Variants in LRCH3 observed in about 807,000 individuals in gnomAD.
LRCH3 encodes leucine rich repeats and calponin homology domain containing 3.
A neutral mutation model predicts 104.5 loss-of-function variants in LRCH3; 68 were observed. That is an observed-to-expected ratio of 0.65 (90% CI 0.54 to 0.80). The LOEUF is 0.80. LRCH3 is among the 30% of genes least tolerant of loss of function. LRCH3 has a pLI of 0.00. For missense variants in LRCH3, 951 were observed against 953.9 expected, an observed-to-expected ratio of 1.00 and a Z score of 0.04; for synonymous variants, 344 against 361.3, an observed-to-expected ratio of 0.95 and a Z score of 0.54.
At chr3:197,855,629 C>A (rs114292274) in intron 14 of LRCH3, among the ~76,000 whole-genome samples, 2,094 of 151,744 alleles carry the variant, frequency 0.014, 24 homozygotes, top group Non-Finnish European at 0.022. Context: ...TTTAGGAAAC[C>A]GAAGGTTTAA....
intron 12 of LRCH3, among the ~76,000 whole-genome samples, chr3:197,851,351 A>G (rs1739567418): frequency 6.6e-6 from 1 of 152,238 alleles, no homozygotes; most frequent in Non-Finnish European, 1.5e-5. Flanking sequence ...AGGAAAAAAC[A>G]TGAGAAGAGA....
At chr3:197,841,237 C>T (rs1737757330) in intron 10 of LRCH3, among the ~76,000 whole-genome samples, 1 of 152,102 alleles carries the variant, frequency 6.6e-6, no homozygotes, top group African/African-American at 2.4e-5. Flanking sequence ...TACATCTTGG[C>T]AGAATTCAGT....
At chr3:197,821,713 T>A (rs1446104259) in intron 4 of LRCH3, among the ~76,000 whole-genome samples, 1 of 152,228 alleles carries the variant, frequency 6.6e-6, no homozygotes. Context: ...TCACTCCCAT[T>A]ACTCAGGCTA....
At chr3:197,844,768 C>T (rs546138238) in intron 10 of LRCH3, among the ~76,000 whole-genome samples, 2 of 152,202 alleles carry the variant, frequency 1.3e-5, no homozygotes, top group Non-Finnish European at 2.9e-5. Context: ...CAGGCGCGCA[C>T]CACCACACCT....
chr3:197,825,375 TA>T (rs771901250), intron 4 of LRCH3, among the ~76,000 whole-genome samples: 1 of 150,076 alleles, frequency 6.7e-6, no homozygotes, highest in African/African-American at 2.4e-5. Context: ...TTTTTTTTTT[TA>T]AATAATTTTC....
At chr3:197,872,162 G>A (rs1712270026) in intron 19 of LRCH3, among the ~76,000 whole-genome samples, 1 of 151,994 alleles carries the variant, frequency 6.6e-6, no homozygotes, top group Non-Finnish European at 1.5e-5. Context: ...TTTGAGACCA[G>A]CCAGGACAAT....
At chr3:197,812,015 T>C (rs1733180441) in intron 1 of LRCH3, among the ~76,000 whole-genome samples, 1 of 152,232 alleles carries the variant, frequency 6.6e-6, no homozygotes, top group Non-Finnish European at 1.5e-5. Context: ...TGTTTGATTT[T>C]TTAAATTGTT....
chr3:197,874,817 ACTT>A (rs1260275287), intron 19 of LRCH3, among the ~76,000 whole-genome samples: 4 of 152,260 alleles, frequency 2.6e-5, no homozygotes, highest in Non-Finnish European at 4.4e-5. Flanking sequence ...ACAGGCCAGC[ACTT>A]CTTCTTGTAA....
rs1375529750 is a variant in LRCH3 at position 197,887,742 on chromosome 3, GCCCCC to G, written c.*4078_*4082del. ...TCACTGACAGTGTCTGGGGCTGAGA[GCCCCC>G]CAGCAGAGCCCTTCCCATCACTGAC... On this transcript the variant is annotated 3_prime_UTR_variant, in exon 21 of 21. Coordinates refer to ENST00000425562, the MANE Select transcript of LRCH3 (RefSeq NM_001365715.1). 7.5e-6 allele frequency: 1 copy of G among 132,606 alleles called. No individual in the cohort carries two copies. The highest frequency in any genetic ancestry group is 3.3e-5 in the African/African-American group (1 of 30,000). The allele number at this position is 132,606 out of a possible 1,614,324, so 8.2% of individuals were successfully genotyped here.
At chr3:197,882,535 A>G in intron 20 of LRCH3, 1 of 945,342 alleles carries the variant, frequency 1.1e-6, no homozygotes, top group Non-Finnish European at 1.3e-6. Context: ...AAAACAAAAA[A>G]CAAAAAAACC....
rs899802082 is a variant in LRCH3 at position 197,840,074 on chromosome 3, A to G, written c.1328+677A>G. Among the ~76,000 whole-genome samples the G allele has an allele frequency of 2.0e-5, 3 of 152,128 alleles. No homozygotes were observed. In the East Asian group the frequency reaches 5.8e-4, roughly 29 times the overall value. On this transcript the variant is annotated intron_variant, in intron 10 of 20. Coordinates refer to ENST00000425562, the MANE Select transcript of LRCH3 (RefSeq NM_001365715.1). The stretch of plus-strand genomic sequence containing the variant: ...ATAACAGAGAGAAATAGTCAGAGAC[A>G]GTGATATGTATCACCAGTCCTGTCT...
At chr3:197,865,110 C>T (rs1741335194) in intron 15 of LRCH3, among the ~76,000 whole-genome samples, 1 of 152,174 alleles carries the variant, frequency 6.6e-6, no homozygotes, top group Non-Finnish European at 1.5e-5. Flanking sequence ...TCAAGCAACC[C>T]TCCCTCCTCA....
In LRCH3 at chr3:197,796,553, T is replaced by G. The variant is rs548183568; in HGVS notation, c.262+5013T>G. Among the ~76,000 whole-genome samples the G allele has an allele frequency of 1.8e-4, 27 of 152,356 alleles. 2 individuals are homozygous for G. The South Asian group carries it at 5.6e-3, about 32-fold the overall frequency. On this transcript the variant is annotated intron_variant, in intron 1 of 20. Transcript: ENST00000425562. ...TAAGACTAGAAAGATGGTAATGCTA[T>G]TGCTTATAATAGTAGCTAACATTTA...
intron 4 of LRCH3, 151 bp from the exon 5 acceptor site, chr3:197,826,727 T>C: frequency 1.0e-6 from 1 of 963,316 alleles, no homozygotes; most frequent in Non-Finnish European, 1.5e-6. Flanking sequence ...GCTACCACTT[T>C]TCTCATTTTT....
intron 8 of LRCH3, among the ~76,000 whole-genome samples, chr3:197,834,892 C>T (rs1736482320): frequency 6.6e-6 from 1 of 152,138 alleles, no homozygotes; most frequent in Non-Finnish European, 1.5e-5. Context: ...GCCTGTAATC[C>T]CAGCACTTTG....
intron 20 of LRCH3, among the ~76,000 whole-genome samples, chr3:197,879,370 G>T (rs552848360): frequency 1.1e-4 from 16 of 152,288 alleles, no homozygotes; most frequent in South Asian, 2.1e-4. Flanking sequence ...CCCCTGGCCG[G>T]GCGCGGTGGC....
chr3:197,880,383 TA>T, intron 20 of LRCH3: 1 of 728,762 alleles, frequency 1.4e-6, no homozygotes, highest in Non-Finnish European at 2.3e-6. Context: ...TTCCTCAATG[TA>T]AAAATGTTAC....
At chr3:197,792,751 A>T (rs1448075252) in intron 1 of LRCH3, among the ~76,000 whole-genome samples, 2 of 149,354 alleles carry the variant, frequency 1.3e-5, no homozygotes, top group Non-Finnish European at 3.0e-5. Flanking sequence ...TCCCAGGCTC[A>T]GGTGATCCTC....
At position 197,826,999 on chromosome 3, in the gene LRCH3, A is replaced by G. The variant is rs34995940; in HGVS notation, c.762A>G (p.Gln254=). The G allele has an allele frequency of 3.3e-3, 5,344 of 1,613,958 alleles. 110 individuals are homozygous for G. In the East Asian group the frequency reaches 0.048, roughly 15 times the overall value. The change falls in exon 5 of 21, where the codon CAA becomes CAG. Residue 254 remains glutamine (Q), a synonymous_variant. Transcript: ENST00000425562. ...QTITLDNNPL[Q]SPPAQICIKG... ...TCACCCTAGATAACAATCCACTACA[A>G]TCACCTCCTGCACAGGTAAACCATA... is the stretch of plus-strand genomic sequence containing the variant.
Sources: allele counts gnomAD v4.1 joint callset (sites outside exome capture counted in the v4.1 genomes callset), GRCh38; gene constraint gnomAD v4.1.1; transcripts MANE v1.5; gene names NCBI Gene and HGNC (gene_info 2026-07-23, HGNC 2026-07-21).